ZNF420: variants seen among roughly 807,000 people sequenced by gnomAD.
ZNF420 encodes zinc finger protein 420, also known as ATM and p53-associated KZNF protein.
A neutral mutation model predicts 44.7 loss-of-function variants in ZNF420; 31 were observed. The ratio of observed to expected loss-of-function variants is 0.69; its 90% CI spans 0.52 to 0.94. The LOEUF is 0.94. ZNF420 is among the 40% of genes least tolerant of loss of function. ZNF420 has a pLI of 0.00. For synonymous variants in ZNF420, 245 were observed against 267.4 expected, an observed-to-expected ratio of 0.92 and a Z score of 0.82; for missense variants, 681 against 827.9, an observed-to-expected ratio of 0.82 and a Z score of 2.18.
chr19:37,064,284 C>T (rs1967929133), intron 1 of ZNF420, among the ~76,000 whole-genome samples: 1 of 152,120 alleles, frequency 6.6e-6, no homozygotes. Flanking sequence ...CTTCATCAAA[C>T]TTTCAATTTA....
At chr19:37,115,377 T>C (rs1350904029) in intron 4 of ZNF420, among the ~76,000 whole-genome samples, 1 of 152,098 alleles carries the variant, frequency 6.6e-6, no homozygotes, top group Non-Finnish European at 1.5e-5. Context: ...TCAGTGTTTA[T>C]GGATCATTAT....
intron 4 of ZNF420, among the ~76,000 whole-genome samples, chr19:37,119,454 T>C (rs1970898438): frequency 2.6e-5 from 4 of 152,168 alleles, no homozygotes. Context: ...CCAGAATCTC[T>C]GGGACACATT....
At chr19:37,039,574 T>C (rs989016541) in intron 1 of ZNF420, among the ~76,000 whole-genome samples, 4 of 152,234 alleles carry the variant, frequency 2.6e-5, no homozygotes, top group African/African-American at 9.6e-5. Context: ...CCAAGTGTTG[T>C]TCCACTTATA....
At chr19:37,093,922 G>A (rs2146555636) in intron 4 of ZNF420, among the ~76,000 whole-genome samples, 1 of 152,222 alleles carries the variant, frequency 6.6e-6, no homozygotes, top group East Asian at 1.9e-4. Context: ...AAATTAGATT[G>A]TTGTGATTGT....
At position 37,105,642 on chromosome 19, in the gene ZNF420, C is replaced by G. The variant is rs146115978; in HGVS notation, c.136+14521C>G. On this transcript the variant is annotated intron_variant, in intron 4 of 4. Coordinates refer to ENST00000337995, the MANE Select transcript of ZNF420 (RefSeq NM_144689.5). ...TCATTGATTCAGTATGGCCATTTTA[C>G]GATATTGATTCTTCCTATCCATGAG... is the stretch of plus-strand genomic sequence containing the variant. Among the ~76,000 whole-genome samples the G allele has an allele frequency of 4.9e-4, 75 of 152,018 alleles. No homozygotes were observed. In the Middle Eastern group the frequency reaches 0.01, roughly 21 times the overall value.
intron 1 of ZNF420, among the ~76,000 whole-genome samples, chr19:37,043,878 A>G (rs1296007092): frequency 6.6e-6 from 1 of 152,198 alleles, no homozygotes; most frequent in African/African-American, 2.4e-5. Flanking sequence ...TGGAAAATGA[A>G]CAAGGAAGGG....
Position 37,127,668 on chromosome 19 carries a change from A to G in ZNF420, c.677A>G (p.Glu226Gly). The G allele has an allele frequency of 6.2e-7, 1 of 1,614,004 alleles. No individual in the cohort carries two copies. Among genetic ancestry groups the G allele is most frequent in the East Asian group, 2.2e-5 (1 of 44,866 alleles). The change falls in exon 5 of 5, where the codon GAA becomes GGA. Residue 226 changes from glutamate to glycine, a missense_variant. Physicochemically the swap from Glu to Gly is moderately conservative, Grantham distance 98. Coordinates refer to ENST00000337995, the MANE Select transcript of ZNF420 (RefSeq NM_144689.5). ...IHTGEKPYKC[E>G]ECGKAFIRSS... ...ACTGGTGAAAAACCATATAAATGTG[A>G]AGAATGTGGGAAAGCCTTTATTCGT...
At chr19:37,026,644 T>C (rs890049962) in intron 1 of ZNF420, among the ~76,000 whole-genome samples, 3 of 151,930 alleles carry the variant, frequency 2.0e-5, no homozygotes, top group African/African-American at 4.8e-5. Flanking sequence ...GTATGTTTAG[T>C]AGGTATGGGG....
intron 1 of ZNF420, among the ~76,000 whole-genome samples, chr19:37,058,626 C>T (rs765743539): frequency 6.6e-6 from 1 of 152,090 alleles, no homozygotes; most frequent in Non-Finnish European, 1.5e-5. Flanking sequence ...GATTCAGGCA[C>T]GGGCCCATTC....
intron 1 of ZNF420, among the ~76,000 whole-genome samples, chr19:37,018,770 A>G (rs1358591634): frequency 1.3e-5 from 2 of 152,040 alleles, no homozygotes; most frequent in African/African-American, 4.8e-5. Context: ...GGGTTTCACC[A>G]TGTTGGCCAG....
chr19:37,034,631 T>A (rs1371778149), intron 1 of ZNF420, among the ~76,000 whole-genome samples: 11 of 152,230 alleles, frequency 7.2e-5, no homozygotes, highest in Admixed American at 5.9e-4. Context: ...TGTGCTCAGA[T>A]TCTGTTAGAG....
intron 4 of ZNF420, among the ~76,000 whole-genome samples, chr19:37,096,829 C>A (rs1214123722): frequency 6.6e-6 from 1 of 151,440 alleles, no homozygotes; most frequent in African/African-American, 2.4e-5. Context: ...ATATTGAATC[C>A]TTTTATTGTT....
Position 37,125,964 on chromosome 19 carries a change from C to T in ZNF420, c.137-1164C>T, listed in dbSNP as rs538738517. On this transcript the variant is annotated intron_variant, in intron 4 of 4. Coordinates refer to ENST00000337995, the MANE Select transcript of ZNF420 (RefSeq NM_144689.5). ...GTTATTGTTGCCCAGCCCTGTGACACAGTCCAAAACACTGTTTAGTTTCTC... is the reference window on the plus strand; with the variant it reads ...GTTATTGTTGCCCAGCCCTGTGACATAGTCCAAAACACTGTTTAGTTTCTC... Among the ~76,000 whole-genome samples, 12 of 152,284 alleles carry T rather than the reference C, an allele frequency of 7.9e-5. No individual in the cohort carries two copies. The South Asian group carries it at 2.5e-3, about 32-fold the overall frequency.
At chr19:37,040,563 T>C (rs1231958106) in intron 1 of ZNF420, among the ~76,000 whole-genome samples, 1 of 152,140 alleles carries the variant, frequency 6.6e-6, no homozygotes, top group Non-Finnish European at 1.5e-5. Context: ...TAAGCACCTT[T>C]TACATTAGGA....
intron 4 of ZNF420, among the ~76,000 whole-genome samples, chr19:37,119,175 T>G (rs1970874697): frequency 6.6e-6 from 1 of 151,576 alleles, no homozygotes; most frequent in Non-Finnish European, 1.5e-5. Context: ...ACATTTTTTT[T>G]CAGCACCACA....
intron 1 of ZNF420, among the ~76,000 whole-genome samples, chr19:37,049,354 T>A (rs1967598023): frequency 6.6e-6 from 1 of 152,162 alleles, no homozygotes; most frequent in African/African-American, 2.4e-5. Flanking sequence ...TGTTCCTATT[T>A]CTCCACATCC....
chr19:37,086,509 T>C (rs372386565), intron 2 of ZNF420, among the ~76,000 whole-genome samples: 158 of 152,324 alleles, frequency 1.0e-3, no homozygotes, highest in African/African-American at 3.4e-3. Context: ...GTACTTGATA[T>C]AGTGGTATGT....
At chr19:37,108,769 G>A (rs1970231285) in intron 4 of ZNF420, among the ~76,000 whole-genome samples, 1 of 152,140 alleles carries the variant, frequency 6.6e-6, no homozygotes, top group Non-Finnish European at 1.5e-5. Context: ...TTTCTGTTAA[G>A]TCACTATCAA....
At chr19:37,009,797 C>T (rs2074554548) in intron 1 of ZNF420, among the ~76,000 whole-genome samples, 1 of 152,172 alleles carries the variant, frequency 6.6e-6, no homozygotes, top group African/African-American at 2.4e-5. Flanking sequence ...TGGTGGGATC[C>T]AAAATCGGAT....
Sources: gnomAD v4.1 joint callset for allele counts (sites outside exome capture counted in the v4.1 genomes callset) on GRCh38, gnomAD v4.1.1 for gene constraint, MANE v1.5 for transcripts, NCBI Gene and HGNC (gene_info 2026-07-23, HGNC 2026-07-21) for gene names.